Variants in FRAS1 observed in about 807,000 individuals in gnomAD.
The protein encoded by FRAS1 is extracellular matrix organizing protein FRAS1.
Under a neutral mutation model 435.2 loss-of-function variants are expected in FRAS1, and 290 were observed. The ratio of observed to expected loss-of-function variants is 0.67; its 90% CI spans 0.61 to 0.73. The LOEUF (loss-of-function observed/expected upper bound fraction) is 0.73. Among genes scored for constraint, FRAS1 ranks in the 30% least tolerant of loss-of-function variants. FRAS1 has a pLI of 0.00. For missense variants in FRAS1, 4,860 were observed against 5,001.5 expected, an observed-to-expected ratio of 0.97 and a Z score of 0.85; for synonymous variants, 1,800 against 1,851.0, an observed-to-expected ratio of 0.97 and a Z score of 0.71.
chr4:78,253,555 G>A (rs1473253972), intron 5 of FRAS1, among the ~76,000 whole-genome samples: 2 of 152,060 alleles, frequency 1.3e-5, no homozygotes, highest in Non-Finnish European at 2.9e-5. Flanking sequence ...TCCGTTTGGG[G>A]TCCCTGACTT....
chr4:78,347,784 TG>T (rs1435348050), intron 20 of FRAS1, among the ~76,000 whole-genome samples: 8 of 87,206 alleles, frequency 9.2e-5, no homozygotes, highest in African/African-American at 2.7e-4. Context: ...CGTGTGTGTG[TG>T]TGTTTTTTTT....
At chr4:78,425,376 G>C (rs1451165791) in intron 35 of FRAS1, among the ~76,000 whole-genome samples, 1 of 152,060 alleles carries the variant, frequency 6.6e-6, no homozygotes, top group Non-Finnish European at 1.5e-5. Flanking sequence ...GTCAGACCTG[G>C]TATCTATGCT....
chr4:78,447,288 TAA>T (rs3086830), intron 43 of FRAS1, among the ~76,000 whole-genome samples: 5 of 109,018 alleles, frequency 4.6e-5, no homozygotes, highest in Admixed American at 1.1e-4. Flanking sequence ...GTTCCTTTTG[TAA>T]AAAAAAAAAA....
intron 66 of FRAS1, among the ~76,000 whole-genome samples, chr4:78,518,450 A>ATTTATTTATT (rs58236775): frequency 1.2e-4 from 8 of 69,342 alleles, no homozygotes; most frequent in Admixed American, 3.0e-4. Flanking sequence ...ATATATATAT[A>ATTTATTTATT]TATTTATTTA....
intron 2 of FRAS1, among the ~76,000 whole-genome samples, chr4:78,113,219 G>A (rs1235408662): frequency 6.6e-6 from 1 of 152,090 alleles, no homozygotes; most frequent in East Asian, 1.9e-4. Context: ...TCTTAATCCA[G>A]TCTATCATTG....
intron 45 of FRAS1, among the ~76,000 whole-genome samples, chr4:78,451,516 G>A (rs1386820506): frequency 6.6e-6 from 1 of 152,154 alleles, no homozygotes; most frequent in Admixed American, 6.5e-5. Flanking sequence ...CTTCCAAAAA[G>A]GCTCAGCCTT....
At chr4:78,384,034 A>G in intron 27 of FRAS1, 25 bp from the exon 28 acceptor site, 1 of 1,530,424 alleles carries the variant, frequency 6.5e-7, no homozygotes, top group Non-Finnish European at 9.0e-7. Context: ...GTATTTTCTT[A>G]TTCCTTTCTT....
At chr4:78,370,939 T>G (rs1367749099) in intron 23 of FRAS1, among the ~76,000 whole-genome samples, 1 of 152,180 alleles carries the variant, frequency 6.6e-6, no homozygotes, top group Non-Finnish European at 1.5e-5. Context: ...AAGCTAGAGC[T>G]TGGATATGGT....
chr4:78,398,883 T>C (rs540949477), intron 29 of FRAS1, among the ~76,000 whole-genome samples: 1 of 152,236 alleles, frequency 6.6e-6, no homozygotes, highest in East Asian at 1.9e-4. Flanking sequence ...CTCAGGAGGC[T>C]GAATCAGGGG....
chr4:78,115,931 A>G (rs1376915948), intron 2 of FRAS1, among the ~76,000 whole-genome samples: 2 of 151,938 alleles, frequency 1.3e-5, no homozygotes, highest in Non-Finnish European at 2.9e-5. Flanking sequence ...TAGGTTGTCA[A>G]TTTTAGATCT....
At chr4:78,498,106 G>A (rs574518955) in intron 60 of FRAS1, among the ~76,000 whole-genome samples, 2 of 152,328 alleles carry the variant, frequency 1.3e-5, no homozygotes, top group South Asian at 4.1e-4. Context: ...ACGGGGGCCT[G>A]GGGAAGGATA....
intron 2 of FRAS1, among the ~76,000 whole-genome samples, chr4:78,231,307 T>A (rs1018829419): frequency 6.6e-6 from 1 of 150,898 alleles, no homozygotes; most frequent in Non-Finnish European, 1.5e-5. Context: ...TATATATATA[T>A]AAATTATATA....
At chr4:78,217,262 C>G (rs1465415358) in intron 2 of FRAS1, among the ~76,000 whole-genome samples, 1 of 152,152 alleles carries the variant, frequency 6.6e-6, no homozygotes, top group Non-Finnish European at 1.5e-5. Context: ...TGTACTCATT[C>G]AAATGCTAAT....
intron 58 of FRAS1, among the ~76,000 whole-genome samples, chr4:78,484,029 T>C (rs1403870775): frequency 2.6e-5 from 4 of 151,912 alleles, no homozygotes; most frequent in Non-Finnish European, 5.9e-5. Flanking sequence ...TCTGCAAAAT[T>C]ATCTCATGTG....
intron 2 of FRAS1, among the ~76,000 whole-genome samples, chr4:78,118,261 A>T (rs1020299322): frequency 4.6e-5 from 7 of 152,180 alleles, no homozygotes; most frequent in Non-Finnish European, 8.8e-5. Context: ...CCTCCCAGTT[A>T]GGCTACTCGG....
At chr4:78,118,661 G>A (rs182762109) in intron 2 of FRAS1, among the ~76,000 whole-genome samples, 61 of 152,188 alleles carry the variant, frequency 4.0e-4, no homozygotes, top group Middle Eastern at 3.4e-3. Context: ...TGCTAAGACC[G>A]TTGGAAAAGC....
intron 28 of FRAS1, among the ~76,000 whole-genome samples, chr4:78,385,226 T>C (rs1409899300): frequency 6.6e-6 from 1 of 152,180 alleles, no homozygotes; most frequent in Non-Finnish European, 1.5e-5. Context: ...AGCCGAAATG[T>C]ATGAAGAATA....
Position 78,255,326 on chromosome 4 carries a change from G to GGGTT in FRAS1, c.556_559dup (p.Ala187GlyfsTer15). 6.3e-7 allele frequency: 1 copy of GGGTT among 1,579,666 alleles called. No individual in the cohort carries two copies. Among genetic ancestry groups the GGGTT allele is most frequent in the Non-Finnish European group, 8.6e-7 (1 of 1,161,976 alleles). On this transcript the variant is annotated frameshift_variant, in exon 6 of 74. Transcript: ENST00000512123. LOFTEE classifies it high-confidence loss of function. Reference sequence around the variant, plus strand: ...TGTGCCAAATGTCTGTGTAGAAATGGGGTTGCCCAGTGCTTCACAGCTCAG... The same window carrying GGGTT: ...TGTGCCAAATGTCTGTGTAGAAATGGGGTTGGTTGCCCAGTGCTTCACAGCTCAG...
intron 2 of FRAS1, among the ~76,000 whole-genome samples, chr4:78,134,615 T>G (rs1719843971): frequency 6.6e-6 from 1 of 152,230 alleles, no homozygotes; most frequent in South Asian, 2.1e-4. Context: ...AAAAAGTGTT[T>G]CTGTGAGATG....
Sources: allele counts gnomAD v4.1 joint callset (sites outside exome capture counted in the v4.1 genomes callset), GRCh38; gene constraint gnomAD v4.1.1; transcripts MANE v1.5; gene names NCBI Gene and HGNC (gene_info 2026-07-23, HGNC 2026-07-21).